Variants in NDST4 observed in about 807,000 individuals in gnomAD.
NDST4 encodes the protein N-heparan sulfate sulfotransferase 4.
A neutral mutation model predicts 100.8 loss-of-function variants in NDST4; 63 were observed. The observed-to-expected ratio is 0.62, with a 90% CI of 0.51 to 0.77. NDST4 has a LOEUF of 0.77. Among genes scored for constraint, NDST4 ranks in the 30% least tolerant of loss-of-function variants. The probability of loss-of-function intolerance (pLI) is 0.00; values close to 1 mark genes in which losing one functional copy is unlikely to be tolerated. For synonymous variants in NDST4, 377 were observed against 361.8 expected (o/e 1.04, Z -0.48); for missense variants, 943 against 1,018.4 (o/e 0.93, Z 1.01).
At chr4:115,070,287 T>C (rs1478822774) in intron 2 of NDST4, among the ~76,000 whole-genome samples, 1 of 152,156 alleles carries the variant, frequency 6.6e-6, no homozygotes, top group Non-Finnish European at 1.5e-5. Flanking sequence ...CTGGAGGCCA[T>C]TATCCTTAGC....
intron 1 of NDST4, among the ~76,000 whole-genome samples, chr4:115,097,730 C>T (rs1729649331): frequency 6.6e-6 from 1 of 152,126 alleles, no homozygotes; most frequent in African/African-American, 2.4e-5. Flanking sequence ...ATCAACTCCC[C>T]ACCACCAAAA....
At chr4:114,945,100 T>G (rs1410411423) in intron 4 of NDST4, among the ~76,000 whole-genome samples, 1 of 150,804 alleles carries the variant, frequency 6.6e-6, no homozygotes, top group Non-Finnish European at 1.5e-5. Flanking sequence ...TCCCAGCTAC[T>G]TGGTAGGCTG....
chr4:114,893,715 C>G (rs186929897), intron 6 of NDST4, among the ~76,000 whole-genome samples: 1 of 152,080 alleles, frequency 6.6e-6, no homozygotes, highest in Admixed American at 6.5e-5. Context: ...ATGATAGTTT[C>G]TTTTGCTGTC....
intron 2 of NDST4, among the ~76,000 whole-genome samples, chr4:114,991,338 C>T (rs554448120): frequency 2.6e-5 from 4 of 152,084 alleles, no homozygotes; most frequent in Non-Finnish European, 5.9e-5. Flanking sequence ...AATACCACTG[C>T]AGGAGCAAGA....
At chr4:115,087,205 T>G (rs1729424968) in intron 1 of NDST4, among the ~76,000 whole-genome samples, 1 of 152,106 alleles carries the variant, frequency 6.6e-6, no homozygotes, top group East Asian at 1.9e-4. Context: ...TTGTATAGAT[T>G]TGGAGGTAAT....
At chr4:114,887,614 C>A (rs1316690102) in intron 6 of NDST4, among the ~76,000 whole-genome samples, 1 of 152,132 alleles carries the variant, frequency 6.6e-6, no homozygotes, top group Non-Finnish European at 1.5e-5. Flanking sequence ...ATACAAGGAT[C>A]CACTTAATAA....
At chr4:114,911,168 C>T (rs1052019143) in intron 6 of NDST4, among the ~76,000 whole-genome samples, 2 of 152,164 alleles carry the variant, frequency 1.3e-5, no homozygotes, top group Non-Finnish European at 2.9e-5. Context: ...TAAAACAGTT[C>T]TTTCCATGGC....
At chr4:114,946,973 G>GT (rs1725880370) in intron 4 of NDST4, among the ~76,000 whole-genome samples, 2 of 149,804 alleles carry the variant, frequency 1.3e-5, no homozygotes, top group South Asian at 2.1e-4. Context: ...TTTTTTTTTT[G>GT]TTGGTCGATT....
At chr4:115,100,325 G>A (rs513782) in intron 1 of NDST4, among the ~76,000 whole-genome samples, 151,197 of 152,172 alleles carry the variant, frequency 0.99, 75,117 homozygotes, top group East Asian at 1. Context: ...GATGTAATCT[G>A]TGGACTTGGG....
At chr4:115,081,159 G>C (rs1040409341) in intron 1 of NDST4, among the ~76,000 whole-genome samples, 1 of 151,646 alleles carries the variant, frequency 6.6e-6, no homozygotes, top group Admixed American at 6.6e-5. Flanking sequence ...AAATTTAAAT[G>C]TGAAATTTAT....
At chr4:114,854,421 A>T (rs1297501817) in intron 7 of NDST4, among the ~76,000 whole-genome samples, 1 of 152,200 alleles carries the variant, frequency 6.6e-6, no homozygotes, top group Non-Finnish European at 1.5e-5. Context: ...TATTGTGAAT[A>T]GTGCTGAAAT....
At chr4:114,890,895 C>G (rs1358723726) in intron 6 of NDST4, among the ~76,000 whole-genome samples, 1 of 152,082 alleles carries the variant, frequency 6.6e-6, no homozygotes, top group African/African-American at 2.4e-5. Flanking sequence ...TGCCCTGGAG[C>G]TGTTATGCAA....
At chr4:114,927,350 A>G (rs1036714205) in intron 6 of NDST4, among the ~76,000 whole-genome samples, 1 of 152,006 alleles carries the variant, frequency 6.6e-6, no homozygotes, top group Non-Finnish European at 1.5e-5. Context: ...TAGATTTCGC[A>G]TTTCTACAAA....
rs568267530 is a variant in NDST4 at position 114,878,255 on chromosome 4, G to C, written c.1537-7305C>G. 3.3e-5 allele frequency among the ~76,000 whole-genome samples: 5 copies of C among 152,194 alleles called. No homozygotes were observed. The South Asian group carries it at 1.0e-3, about 32-fold the overall frequency. ...GCTCTATTGCTCCATGTGACTTTCA[G>C]GTTTCATATAAGATGTGCATCACCA... On this transcript the variant is annotated intron_variant, in intron 6 of 13. Coordinates refer to ENST00000264363, the MANE Select transcript of NDST4 (RefSeq NM_022569.3).
At chr4:115,107,865 G>A (rs150502876) in intron 1 of NDST4, among the ~76,000 whole-genome samples, 1 of 151,952 alleles carries the variant, frequency 6.6e-6, no homozygotes, top group Non-Finnish European at 1.5e-5. Flanking sequence ...CAGACAGATA[G>A]AGTAATTTAA....
intron 6 of NDST4, among the ~76,000 whole-genome samples, chr4:114,924,114 AT>A (rs1171238060): frequency 6.6e-6 from 1 of 152,082 alleles, no homozygotes; most frequent in African/African-American, 2.4e-5. Context: ...GGAGGCAAAC[AT>A]ATTTTGGTCA....
intron 6 of NDST4, among the ~76,000 whole-genome samples, chr4:114,929,727 G>A (rs959452104): frequency 1.3e-5 from 2 of 152,122 alleles, no homozygotes; most frequent in Non-Finnish European, 2.9e-5. Context: ...GGAAATATTA[G>A]AAGCCAAATA....
intron 4 of NDST4, among the ~76,000 whole-genome samples, chr4:114,966,896 G>T (rs1726395709): frequency 6.6e-6 from 1 of 152,076 alleles, no homozygotes; most frequent in Non-Finnish European, 1.5e-5. Context: ...AAACTTTGTA[G>T]TTTAGAGAAT....
intron 6 of NDST4, among the ~76,000 whole-genome samples, chr4:114,934,333 C>G (rs1396706639): frequency 6.6e-6 from 1 of 151,886 alleles, no homozygotes; most frequent in Non-Finnish European, 1.5e-5. Flanking sequence ...AGGCAGATCA[C>G]GAGGTCAGGA....
Sources: allele counts gnomAD v4.1 joint callset (sites outside exome capture counted in the v4.1 genomes callset), GRCh38; gene constraint gnomAD v4.1.1; transcripts MANE v1.5; gene names NCBI Gene and HGNC (gene_info 2026-07-23, HGNC 2026-07-21).